EXOSC7: variants seen among roughly 807,000 people sequenced by gnomAD.
EXOSC7 encodes the protein exosome component 7, also known as exosome complex component RRP42.
In EXOSC7, 25 loss-of-function variants were observed where a neutral mutation model predicts 34.3. The ratio of observed to expected loss-of-function variants is 0.73; its 90% CI spans 0.53 to 1.02. The LOEUF (loss-of-function observed/expected upper bound fraction) is 1.02. Among genes scored for constraint, EXOSC7 ranks in the 50% least tolerant of loss-of-function variants. The pLI is 0.00. For missense variants in EXOSC7, 370 were observed against 368.5 expected, an observed-to-expected ratio of 1.00 and a Z score of -0.03; for synonymous variants, 130 against 143.0, an observed-to-expected ratio of 0.91 and a Z score of 0.65.
At chr3:44,979,157 C>T (rs567573447) in intron 1 of EXOSC7, among the ~76,000 whole-genome samples, 3 of 152,144 alleles carry the variant, frequency 2.0e-5, no homozygotes, top group African/African-American at 7.2e-5. Context: ...GAGCAAAACA[C>T]AATTTACACC....
intron 5 of EXOSC7, 86 bp downstream of exon 5, chr3:45,001,694 A>G: frequency 1.1e-6 from 1 of 943,178 alleles, no homozygotes; most frequent in Non-Finnish European, 1.7e-6. Flanking sequence ...TTTCTATTGT[A>G]GCTCATATGT....
At chr3:45,009,245 A>T (rs1440427973) in intron 7 of EXOSC7, among the ~76,000 whole-genome samples, 1 of 152,142 alleles carries the variant, frequency 6.6e-6, no homozygotes, top group African/African-American at 2.4e-5. Flanking sequence ...TGGACAGGGG[A>T]CTATAGCTCT....
downstream of EXOSC7, chr3:45,011,545 T>TC: frequency 2.5e-6 from 1 of 404,376 alleles, no homozygotes; most frequent in South Asian, 4.5e-5. Flanking sequence ...CTGGCCCTTA[T>TC]CTAGTGAGTG....
chr3:44,980,113 C>T (rs1047688964), intron 1 of EXOSC7, among the ~76,000 whole-genome samples: 3 of 151,716 alleles, frequency 2.0e-5, no homozygotes, highest in East Asian at 1.9e-4. Context: ...TCATAGTCTT[C>T]GATAGATGCA....
At position 45,007,421 on chromosome 3, in the gene EXOSC7, T is replaced by C. The variant is rs1381747237; in HGVS notation, c.617T>C (p.Ile206Thr). 4 of 1,614,062 alleles carry C rather than the reference T, an allele frequency of 2.5e-6. No homozygotes were observed. The highest frequency in any genetic ancestry group is 3.4e-6 in the Non-Finnish European group (4 of 1,179,986). ...GTGCCACGCACCCTGCCTTTGCAGA[T>C]TGGCTATCGGCATGTGGTGGATGCT... is the stretch of plus-strand genomic sequence containing the variant. The part of the protein sequence containing the change: ...NVPCIVTLCK[I>T]GYRHVVDATL... Residue 206 changes from isoleucine (I) to threonine (T), a missense_variant and splice_region_variant, in exon 7 of 8, where the codon ATT (isoleucine) becomes ACT (threonine). By Grantham distance (89) the Ile-to-Thr change is moderately conservative. Transcript: ENST00000265564.
At chr3:45,007,889 C>A (rs1046198679) in intron 7 of EXOSC7, among the ~76,000 whole-genome samples, 1 of 152,184 alleles carries the variant, frequency 6.6e-6, no homozygotes, top group Admixed American at 6.5e-5. Context: ...CTCGTAACTC[C>A]AAAAGTGCAG....
intron 1 of EXOSC7, among the ~76,000 whole-genome samples, chr3:44,987,887 T>C (rs921030405): frequency 6.6e-6 from 1 of 152,226 alleles, no homozygotes; most frequent in African/African-American, 2.4e-5. Flanking sequence ...GAATGAACCA[T>C]GTGATGTTAG....
At chr3:45,001,944 A>G (rs1253782394) in intron 5 of EXOSC7, 3 of 261,126 alleles carry the variant, frequency 1.1e-5, no homozygotes, top group South Asian at 5.6e-5. Flanking sequence ...GGTGAACTCT[A>G]TGGGGGCAAG....
chr3:44,990,734 A>G (rs1053392854), intron 3 of EXOSC7, among the ~76,000 whole-genome samples: 3 of 152,226 alleles, frequency 2.0e-5, no homozygotes, highest in Non-Finnish European at 2.9e-5. Flanking sequence ...TCGATGCTTA[A>G]TACATAATGA....
In EXOSC7 at chr3:45,007,799, A is replaced by C. The variant is rs560480798; in HGVS notation, c.771+224A>C. ...GGTAAGGAGCCTACCAGTAACCATT[A>C]ATTGTCCTCAGTAAGTACCCCCCAT... is the stretch of plus-strand genomic sequence containing the variant. On this transcript the variant is annotated intron_variant, in intron 7 of 7. Transcript: ENST00000265564. 2.0e-5 allele frequency among the ~76,000 whole-genome samples: 3 copies of C among 152,206 alleles called. No individual in the cohort carries two copies. In the East Asian group the frequency reaches 5.8e-4, roughly 29 times the overall value.
intron 1 of EXOSC7, among the ~76,000 whole-genome samples, chr3:44,980,178 G>A (rs1369706069): frequency 6.6e-6 from 1 of 152,040 alleles, no homozygotes; most frequent in Non-Finnish European, 1.5e-5. Context: ...CCTCTGATCT[G>A]GTATCTTCCA....
At chr3:44,993,903 G>A (rs1706639453) in intron 3 of EXOSC7, among the ~76,000 whole-genome samples, 2 of 152,164 alleles carry the variant, frequency 1.3e-5, no homozygotes, top group South Asian at 4.1e-4. Flanking sequence ...TTGTTGTCTA[G>A]TGATAAGTTC....
rs549429674 is a variant in EXOSC7, at chr3:44,993,160, C to T, written c.254+3516C>T. ...GAGGCTAATTGTAATCAAAGTCTCC[C>T]AAGCTGATGAGATAACTCTCGCAGA... On this transcript the variant is annotated intron_variant, in intron 3 of 7. Coordinates refer to ENST00000265564, the MANE Select transcript of EXOSC7 (RefSeq NM_015004.4). Among the ~76,000 whole-genome samples the T allele has an allele frequency of 3.3e-5, 5 of 152,260 alleles. No individual in the cohort carries two copies. The East Asian group carries it at 9.7e-4, about 29-fold the overall frequency.
intron 6 of EXOSC7, among the ~76,000 whole-genome samples, chr3:45,005,771 G>T (rs546629348): frequency 6.6e-6 from 1 of 152,112 alleles, no homozygotes; most frequent in Non-Finnish European, 1.5e-5. Flanking sequence ...GCAGGGTGGC[G>T]AACACTGTCC....
At chr3:44,985,479 G>T (rs1706381922) in intron 1 of EXOSC7, among the ~76,000 whole-genome samples, 2 of 152,060 alleles carry the variant, frequency 1.3e-5, no homozygotes, top group South Asian at 4.1e-4. Flanking sequence ...TGGGTTCGTG[G>T]TCTCGCTGGC....
At chr3:44,981,688 T>C (rs1706273554) in intron 1 of EXOSC7, among the ~76,000 whole-genome samples, 1 of 151,864 alleles carries the variant, frequency 6.6e-6, no homozygotes, top group African/African-American at 2.4e-5. Flanking sequence ...GAGGCTGAGG[T>C]GGGAGGATCA....
rs1324354436 is a variant in EXOSC7 at position 44,997,116 on chromosome 3, G to A, written c.284G>A (p.Gly95Asp). The change falls in exon 4 of 8, where the codon GGT becomes GAT. Residue 95 changes from glycine to aspartate, a missense_variant. Gly to Asp is a moderately conservative substitution (Grantham distance 94). Around this residue, in one of 3 missense-constraint regions of EXOSC7, gnomAD observed 255 missense variants for 246.4 expected, o/e 1.03. Transcript: ENST00000265564. ...GCCAGTGCTACCCCTGAATTTGAAGGTAGAGGAGGTGATGACCTTGGCACC... is the reference window on the plus strand; with the variant it reads ...GCCAGTGCTACCCCTGAATTTGAAGATAGAGGAGGTGATGACCTTGGCACC... ...CSASATPEFE[G>D]RGGDDLGTEI... 1.2e-6 allele frequency: 2 copies of A among 1,613,938 alleles called. No individual in the cohort carries two copies. The highest frequency in any genetic ancestry group is 1.1e-5 in the South Asian group (1 of 91,078).
intron 3 of EXOSC7, among the ~76,000 whole-genome samples, chr3:44,996,816 T>C (rs972505546): frequency 6.6e-6 from 1 of 152,206 alleles, no homozygotes; most frequent in Non-Finnish European, 1.5e-5. Flanking sequence ...CACTCTCCTG[T>C]TTCTCTTTGA....
chr3:45,008,336 A>G (rs1707113873), intron 7 of EXOSC7, among the ~76,000 whole-genome samples: 1 of 152,358 alleles, frequency 6.6e-6, no homozygotes, highest in African/African-American at 2.4e-5. Context: ...ATCACCACAC[A>G]TGCCCAGAGA....
Sources: gnomAD v4.1 joint callset for allele counts (sites outside exome capture counted in the v4.1 genomes callset) on GRCh38, gnomAD v4.1.1 for gene constraint, gnomAD v4.1.1 regional missense constraint, MANE v1.5 for transcripts, NCBI Gene and HGNC (gene_info 2026-07-23, HGNC 2026-07-21) for gene names.